Variants in PDLIM5 observed in about 807,000 individuals in gnomAD.
PDLIM5 encodes PDZ and LIM domain 5.
Under a neutral mutation model 64.2 loss-of-function variants are expected in PDLIM5, and 34 were observed. That is an observed-to-expected ratio of 0.53 (90% CI 0.40 to 0.71). The LOEUF is 0.71. PDLIM5 is among the 30% of genes least tolerant of loss of function. PDLIM5 has a pLI of 0.00. For synonymous variants in PDLIM5, 253 were observed against 269.1 expected (o/e 0.94, Z 0.59); for missense variants, 683 against 733.6 (o/e 0.93, Z 0.80).
intron 5 of PDLIM5, among the ~76,000 whole-genome samples, chr4:94,577,581 CTTTTTTT>C (rs11349007): frequency 2.8e-5 from 3 of 106,858 alleles, no homozygotes; most frequent in Non-Finnish European, 5.6e-5. Context: ...TGGTCGTAAT[CTTTTTTT>C]TTTTTTTTTT....
In PDLIM5 at chr4:94,582,926, C is replaced by T. The variant is rs1318197004; in HGVS notation, c.711-2639C>T. ...ATCAGAGGTATGTTTAGAACACCCA[C>T]ACTTCTGTAATGAAAAACTTAGTAA... On this transcript the variant is annotated intron_variant, in intron 5 of 12. Transcript: ENST00000317968. 1.6e-4 allele frequency: 84 copies of T among 531,230 alleles called. No individual in the cohort carries two copies. The East Asian group carries it at 2.6e-3, about 16-fold the overall frequency. 32.9% of individuals were successfully genotyped at this position (531,230 alleles called of 1,614,324 possible).
chr4:94,489,262 C>T (rs189203677), intron 2 of PDLIM5, among the ~76,000 whole-genome samples: 2 of 152,248 alleles, frequency 1.3e-5, no homozygotes, highest in East Asian at 3.9e-4. Flanking sequence ...GTCTGGAATA[C>T]TTTGTCCCTG....
At chr4:94,527,683 G>T (rs1730497812) in intron 3 of PDLIM5, among the ~76,000 whole-genome samples, 1 of 152,198 alleles carries the variant, frequency 6.6e-6, no homozygotes, top group Admixed American at 6.5e-5. Flanking sequence ...GGGATATCCA[G>T]CTTCACTTGA....
At chr4:94,563,037 C>T (rs891046591) in intron 3 of PDLIM5, among the ~76,000 whole-genome samples, 1 of 152,006 alleles carries the variant, frequency 6.6e-6, no homozygotes, top group Non-Finnish European at 1.5e-5. Context: ...ATTCAGTTTT[C>T]TATAAACAAA....
At chr4:94,491,524 A>C (rs532233640) in intron 2 of PDLIM5, among the ~76,000 whole-genome samples, 1 of 152,126 alleles carries the variant, frequency 6.6e-6, no homozygotes, top group African/African-American at 2.4e-5. Context: ...TTATGCTGCT[A>C]TTCTTTCATG....
chr4:94,494,924 T>C (rs2126125341), intron 2 of PDLIM5, among the ~76,000 whole-genome samples: 1 of 152,204 alleles, frequency 6.6e-6, no homozygotes, highest in South Asian at 2.1e-4. Context: ...AATTTTTTTG[T>C]ATTTTAGTAC....
intron 3 of PDLIM5, among the ~76,000 whole-genome samples, chr4:94,552,944 CAGG>C (rs1274084571): frequency 6.6e-6 from 1 of 151,986 alleles, no homozygotes; most frequent in Admixed American, 6.5e-5. Flanking sequence ...GCATCTGAAG[CAGG>C]AGAAGAATAG....
At position 94,473,482 on chromosome 4, in the gene PDLIM5, G is replaced by A. The variant is rs181375868; in HGVS notation, c.96+18098G>A. ...TCACCATGTTGGTCAGGCTGGTCTC[G>A]AACTCCTGACCTCGTGATCCACCCG... On this transcript the variant is annotated intron_variant, in intron 2 of 12. Coordinates refer to ENST00000317968, the MANE Select transcript of PDLIM5 (RefSeq NM_006457.5). Among the ~76,000 whole-genome samples, 248 of 152,182 alleles carry A rather than the reference G, an allele frequency of 1.6e-3. 1 individual carries two copies. The highest frequency in any genetic ancestry group is 2.0e-3 in the Non-Finnish European group (137 of 68,008).
chr4:94,517,894 A>C (rs938495630), intron 2 of PDLIM5, among the ~76,000 whole-genome samples: 3 of 152,234 alleles, frequency 2.0e-5, no homozygotes, highest in Admixed American at 2.0e-4. Flanking sequence ...TGTTCTATTT[A>C]GTAAACATCT....
chr4:94,586,943 A>G, intron 7 of PDLIM5: 1 of 1,439,592 alleles, frequency 6.9e-7, no homozygotes, highest in Non-Finnish European at 9.4e-7. Flanking sequence ...ATTTCTTATG[A>G]CTCTTCTATC....
intron 3 of PDLIM5, among the ~76,000 whole-genome samples, chr4:94,558,078 C>T (rs1733515643): frequency 1.3e-5 from 2 of 152,122 alleles, no homozygotes; most frequent in South Asian, 2.1e-4. Context: ...TGAGATACGT[C>T]CCATCAGTGC....
intron 7 of PDLIM5, among the ~76,000 whole-genome samples, chr4:94,603,355 G>A (rs908973994): frequency 8.5e-5 from 13 of 152,184 alleles, no homozygotes; most frequent in Non-Finnish European, 4.4e-5. Context: ...CAAGAGAGCA[G>A]TTAGACAGTT....
chr4:94,628,884 G>C (rs1335102009), intron 8 of PDLIM5, among the ~76,000 whole-genome samples: 1 of 151,912 alleles, frequency 6.6e-6, no homozygotes, highest in Non-Finnish European at 1.5e-5. Context: ...TAGTATTCCT[G>C]AGGTCATGCA....
rs1731095340 is a variant in PDLIM5, at chr4:94,533,804, T to C, written c.248+9929T>C. The stretch of plus-strand genomic sequence containing the variant: ...TCTAGAGGACCATATTTGTTTTGTT[T>C]CTTGGCAACAAAAATGGGTGTGGCT... On this transcript the variant is annotated intron_variant, in intron 3 of 12. Transcript: ENST00000317968. 4.6e-5 allele frequency among the ~76,000 whole-genome samples: 7 copies of C among 152,212 alleles called. 1 individual carries two copies. Among genetic ancestry groups the C allele is most frequent in the Admixed American group, 4.6e-4 (7 of 15,282 alleles).
chr4:94,661,334 G>A (rs778554747), intron 11 of PDLIM5, among the ~76,000 whole-genome samples: 6 of 151,792 alleles, frequency 4.0e-5, no homozygotes, highest in African/African-American at 9.7e-5. Context: ...TGGAGGCTGC[G>A]GTGAACTATG....
At chr4:94,497,722 T>C (rs1216371115) in intron 2 of PDLIM5, among the ~76,000 whole-genome samples, 1 of 152,214 alleles carries the variant, frequency 6.6e-6, no homozygotes, top group Admixed American at 6.5e-5. Flanking sequence ...TGAAATGTTT[T>C]GTGTTAACTG....
At position 94,532,229 on chromosome 4, in the gene PDLIM5, A is replaced by G. The variant is rs111941883; in HGVS notation, c.248+8354A>G. 7.4e-3 allele frequency among the ~76,000 whole-genome samples: 1,120 copies of G among 152,310 alleles called. 19 individuals carry two copies. Among genetic ancestry groups the G allele is most frequent in the African/African-American group, 0.023 (965 of 41,564 alleles). On this transcript the variant is annotated intron_variant, in intron 3 of 12. Transcript: ENST00000317968. Reference sequence around the variant, plus strand: ...AGTTACTACTGTTACTACTTGAGCCATCATTCCAACAGTTACTACTGTTAC... The same window carrying G: ...AGTTACTACTGTTACTACTTGAGCCGTCATTCCAACAGTTACTACTGTTAC...
At chr4:94,529,752 AT>A (rs2110151916) in intron 3 of PDLIM5, among the ~76,000 whole-genome samples, 1 of 152,326 alleles carries the variant, frequency 6.6e-6, no homozygotes, top group East Asian at 1.9e-4. Context: ...CGTTGAAAAA[AT>A]TGGAAAAAAC....
At chr4:94,659,965 C>T (rs1054107524) in intron 11 of PDLIM5, among the ~76,000 whole-genome samples, 9 of 149,734 alleles carry the variant, frequency 6.0e-5, no homozygotes, top group African/African-American at 2.0e-4. Context: ...GGCCCGATCT[C>T]GGCTCACCGT....
Sources: gnomAD v4.1 joint callset for allele counts (sites outside exome capture counted in the v4.1 genomes callset) on GRCh38, gnomAD v4.1.1 for gene constraint, MANE v1.5 for transcripts, NCBI Gene and HGNC (gene_info 2026-07-23, HGNC 2026-07-21) for gene names.